DLG2: variants seen among roughly 807,000 people sequenced by gnomAD.
DLG2 encodes disks large homolog 2.
DLG2 carries 45 observed loss-of-function variants against 132.5 expected under a neutral mutation model. The observed-to-expected ratio is 0.34, with a 90% CI of 0.27 to 0.44. The LOEUF is 0.44. DLG2 is among the 20% of genes least tolerant of loss of function. The probability of loss-of-function intolerance (pLI) is 1.00; values close to 1 mark genes in which losing one functional copy is unlikely to be tolerated. For missense variants in DLG2, 1,045 were observed against 1,196.9 expected, an observed-to-expected ratio of 0.87 and a Z score of 1.87; for synonymous variants, 424 against 419.6, an observed-to-expected ratio of 1.01 and a Z score of -0.13.
At chr11:84,800,779 T>A (rs969163678) in intron 6 of DLG2, 1 of 152,248 alleles carries the variant, frequency 6.6e-6, no homozygotes, top group African/African-American at 2.4e-5. Context: ...AAAGTTAGAT[T>A]TGACAAACGG....
At chr11:85,436,067 TTC>T (rs1275540113) in intron 3 of DLG2, among the ~76,000 whole-genome samples, 2 of 152,044 alleles carry the variant, frequency 1.3e-5, no homozygotes, top group African/African-American at 2.4e-5. Context: ...GAGTAAAGGA[TTC>T]TCTGTTTAAT....
At chr11:84,646,764 T>G (rs1284791238) in intron 6 of DLG2, among the ~76,000 whole-genome samples, 2 of 151,962 alleles carry the variant, frequency 1.3e-5, no homozygotes. Context: ...TCCTGCTGAA[T>G]TATACTGTGG....
At chr11:83,709,981 T>C (rs1244805848) in intron 18 of DLG2, among the ~76,000 whole-genome samples, 1 of 152,136 alleles carries the variant, frequency 6.6e-6, no homozygotes, top group African/African-American at 2.4e-5. Context: ...CTCACTGTTG[T>C]GGGTGAGCAT....
At chr11:84,360,209 AT>A (rs920427230) in intron 7 of DLG2, among the ~76,000 whole-genome samples, 40 of 151,876 alleles carry the variant, frequency 2.6e-4, no homozygotes, top group Non-Finnish European at 4.1e-4. Flanking sequence ...CATTATCTCA[AT>A]TTTTTTTAAA....
chr11:84,523,941 AAGT>A (rs2099312372), intron 7 of DLG2, among the ~76,000 whole-genome samples: 1 of 152,294 alleles, frequency 6.6e-6, no homozygotes, highest in East Asian at 1.9e-4. Flanking sequence ...TACATAAAAG[AAGT>A]AGAAAATTTG....
Position 85,236,468 on chromosome 11 carries a change from G to A in DLG2, c.186+48752C>T, listed in dbSNP as rs1317715009. ...CCTCTCTCTATGCAAGGCACCCCTG[G>A]TGTATCTTCTTATAAGGATACCAGT... On this transcript the variant is annotated intron_variant, in intron 4 of 27. Coordinates refer to ENST00000376104, the MANE Select transcript of DLG2 (RefSeq NM_001142699.3). Among the ~76,000 whole-genome samples the A allele has an allele frequency of 2.0e-5, 3 of 151,906 alleles. No individual in the cohort carries two copies. In the East Asian group the frequency reaches 5.8e-4, roughly 30 times the overall value.
intron 6 of DLG2, among the ~76,000 whole-genome samples, chr11:84,759,060 T>C (rs2067263139): frequency 6.6e-6 from 1 of 152,070 alleles, no homozygotes; most frequent in Non-Finnish European, 1.5e-5. Context: ...GTATTTTTAG[T>C]AGAGATGGGG....
At chr11:83,968,148 C>T (rs963092) in intron 12 of DLG2, among the ~76,000 whole-genome samples, 6,464 of 152,256 alleles carry the variant, frequency 0.042, 194 homozygotes, top group Non-Finnish European at 0.067. Flanking sequence ...CTATAGTACA[C>T]ATTATCTATA....
chr11:85,478,669 T>A (rs1269951441), intron 3 of DLG2, among the ~76,000 whole-genome samples: 1 of 152,266 alleles, frequency 6.6e-6, no homozygotes, highest in East Asian at 1.9e-4. Context: ...CCTCCCATTG[T>A]TGTTAGGATT....
intron 5 of DLG2, among the ~76,000 whole-genome samples, chr11:85,136,996 A>G (rs2076178761): frequency 6.6e-6 from 1 of 151,970 alleles, no homozygotes; most frequent in African/African-American, 2.4e-5. Context: ...AATTATATAC[A>G]TATATACATA....
intron 9 of DLG2, among the ~76,000 whole-genome samples, chr11:84,103,409 G>T (rs2092682792): frequency 6.6e-6 from 1 of 152,064 alleles, no homozygotes; most frequent in Non-Finnish European, 1.5e-5. Context: ...CAGACCCCTG[G>T]TTGACACTCT....
intron 4 of DLG2, among the ~76,000 whole-genome samples, chr11:85,241,744 A>T (rs1252776705): frequency 6.6e-6 from 1 of 152,012 alleles, no homozygotes; most frequent in East Asian, 1.9e-4. Flanking sequence ...GAGATCTGGG[A>T]CATCCCACAT....
At chr11:85,082,107 A>G (rs972345655) in intron 6 of DLG2, among the ~76,000 whole-genome samples, 7 of 152,160 alleles carry the variant, frequency 4.6e-5, no homozygotes, top group African/African-American at 1.7e-4. Flanking sequence ...TAACTCCCAG[A>G]TATACATGCC....
At chr11:85,468,517 G>T (rs897135291) in intron 3 of DLG2, among the ~76,000 whole-genome samples, 1 of 152,138 alleles carries the variant, frequency 6.6e-6, no homozygotes, top group African/African-American at 2.4e-5. Flanking sequence ...TTGAGTCTTT[G>T]TTCTCATTGG....
At chr11:84,071,363 C>T (rs751025667) in intron 10 of DLG2, among the ~76,000 whole-genome samples, 4 of 152,056 alleles carry the variant, frequency 2.6e-5, no homozygotes, top group Non-Finnish European at 5.9e-5. Context: ...CCTCAGCCTC[C>T]CAAAGTGCTG....
intron 6 of DLG2, among the ~76,000 whole-genome samples, chr11:85,060,320 C>T (rs2063926596): frequency 1.3e-5 from 2 of 150,198 alleles, no homozygotes; most frequent in South Asian, 2.1e-4. Context: ...TAATATATAA[C>T]ATAAGCATAT....
chr11:85,509,466 G>T (rs541453693), intron 3 of DLG2, among the ~76,000 whole-genome samples: 3 of 152,150 alleles, frequency 2.0e-5, no homozygotes, highest in East Asian at 3.9e-4. Context: ...GCAGAGGAGA[G>T]CAAGCAACCA....
chr11:84,378,102 C>T (rs767366831), intron 7 of DLG2, among the ~76,000 whole-genome samples: 7 of 152,080 alleles, frequency 4.6e-5, no homozygotes, highest in African/African-American at 7.2e-5. Flanking sequence ...ATATTGAAGC[C>T]GTAACACTGA....
At chr11:84,844,530 T>C (rs942457072) in intron 6 of DLG2, among the ~76,000 whole-genome samples, 1 of 151,984 alleles carries the variant, frequency 6.6e-6, no homozygotes, top group African/African-American at 2.4e-5. Context: ...TTTTCTCAAA[T>C]GGCTTCCTTG....
Sources: gnomAD v4.1 joint callset for allele counts (sites outside exome capture counted in the v4.1 genomes callset) on GRCh38, gnomAD v4.1.1 for gene constraint, MANE v1.5 for transcripts, NCBI Gene and HGNC (gene_info 2026-07-23, HGNC 2026-07-21) for gene names.